OSBPL5: variants seen among roughly 807,000 people sequenced by gnomAD.
The protein encoded by OSBPL5 is oxysterol-binding protein-related protein 5.
In OSBPL5, 71 loss-of-function variants were observed where a neutral mutation model predicts 111.2. The ratio of observed to expected loss-of-function variants is 0.64; its 90% CI spans 0.53 to 0.78. OSBPL5 has a LOEUF of 0.78. Among genes scored for constraint, OSBPL5 ranks in the 30% least tolerant of loss-of-function variants. OSBPL5 has a pLI of 0.00. For synonymous variants in OSBPL5, 549 were observed against 513.9 expected (o/e 1.07, Z -0.93); for missense variants, 1,210 against 1,189.3 (o/e 1.02, Z -0.26).
intron 1 of OSBPL5, among the ~76,000 whole-genome samples, chr11:3,147,563 T>C (rs1189678003): frequency 6.6e-6 from 1 of 152,186 alleles, no homozygotes; most frequent in Non-Finnish European, 1.5e-5. Flanking sequence ...CTCTCCGGAG[T>C]GCCGTTTGTG....
rs1441321207 is a variant in OSBPL5 at position 3,107,714 on chromosome 11, C to T, written c.866+57G>A. ...TGGGGCTGTCCTCTCCCCTCTTCCT[C>T]GCCTACAAGGAGACCCCGTGAATCA... On this transcript the variant is annotated intron_variant, in intron 8 of 21. Transcript: ENST00000263650. This position sits in a 1 kb window ranked among gnomAD's most constrained non-coding sequence, Gnocchi z 6.1. The T allele has an allele frequency of 2.1e-5, 34 of 1,586,556 alleles. No individual in the cohort carries two copies. The highest frequency in any genetic ancestry group is 2.8e-5 in the Non-Finnish European group (33 of 1,167,078).
Position 3,130,922 on chromosome 11 carries a change from T to C in OSBPL5, c.-21-1753A>G, listed in dbSNP as rs1370542883. On this transcript the variant is annotated intron_variant, in intron 1 of 21. Coordinates refer to ENST00000263650, the MANE Select transcript of OSBPL5 (RefSeq NM_020896.4). This position sits in a 1 kb window ranked among gnomAD's most constrained non-coding sequence, Gnocchi z 4.5. ...CCGGGCTTACTCAGACAGCTGAGAT[T>C]TTCTGAGCACCCAGGCTGGGCTGGG... 6.6e-6 allele frequency among the ~76,000 whole-genome samples: 1 copy of C among 151,950 alleles called. No individual in the cohort carries two copies. Among genetic ancestry groups the C allele is most frequent in the Non-Finnish European group, 1.5e-5 (1 of 67,972 alleles).
At chr11:3,149,741 C>T (rs895528577) in intron 1 of OSBPL5, among the ~76,000 whole-genome samples, 9 of 152,216 alleles carry the variant, frequency 5.9e-5, no homozygotes, top group Admixed American at 1.3e-4. Context: ...GATCATCAAA[C>T]GACCCCCCCG....
intron 19 of OSBPL5, among the ~76,000 whole-genome samples, chr11:3,091,474 G>A (rs1006365662): frequency 1.3e-5 from 2 of 152,126 alleles, no homozygotes; most frequent in African/African-American, 4.8e-5. Context: ...CAGGGCCCAG[G>A]CTGACTGACC....
rs940610237 is a variant in OSBPL5 at position 3,109,529 on chromosome 11, A to T, written c.692-1584T>A. On this transcript the variant is annotated intron_variant, in intron 7 of 21. Coordinates refer to ENST00000263650, the MANE Select transcript of OSBPL5 (RefSeq NM_020896.4). The surrounding 1 kb of genome is among the most constrained non-coding windows in gnomAD (Gnocchi z 7.4). ...GTTTTTCTCCCTCACTTTGAGATCC[A>T]TTAAATCCTGCTCTTCGTGGGGCAT... is the stretch of plus-strand genomic sequence containing the variant. Among the ~76,000 whole-genome samples the T allele has an allele frequency of 6.6e-6, 1 of 152,178 alleles. No individual in the cohort carries two copies. The highest frequency in any genetic ancestry group is 1.5e-5 in the Non-Finnish European group (1 of 68,024).
intron 15 of OSBPL5, 131 bp from the exon 16 acceptor site, chr11:3,093,966 C>T (rs879875382): frequency 2.2e-5 from 25 of 1,146,332 alleles, no homozygotes; most frequent in Non-Finnish European, 2.7e-5. Flanking sequence ...ACCCAACCCT[C>T]GCCAACGAGG....
chr11:3,091,192 G>A (rs1857044348), intron 19 of OSBPL5, among the ~76,000 whole-genome samples: 2 of 152,260 alleles, frequency 1.3e-5, no homozygotes, highest in African/African-American at 2.4e-5. Flanking sequence ...AACCCCAGGA[G>A]TGCAGGCAGG....
At chr11:3,095,418 C>T (rs537567114) in intron 14 of OSBPL5, among the ~76,000 whole-genome samples, 6 of 152,124 alleles carry the variant, frequency 3.9e-5, no homozygotes, top group Non-Finnish European at 7.4e-5. Flanking sequence ...CTGGAGCTCC[C>T]GGGAGAAATG....
chr11:3,104,588 G>A lies in OSBPL5; in HGVS notation c.1060-211C>T, dbSNP rs1193215873. Among the ~76,000 whole-genome samples, 4 of 152,254 alleles carry A rather than the reference G, an allele frequency of 2.6e-5. No homozygotes were observed. Among genetic ancestry groups the A allele is most frequent in the South Asian group, 4.1e-4 (2 of 4,822 alleles). ...TCTCCACCCCACCCCTGGAGCACCC[G>A]CAGCCCAGGTCCAGGCCCGCTCCTG... On this transcript the variant is annotated intron_variant, in intron 9 of 21. Coordinates refer to ENST00000263650, the MANE Select transcript of OSBPL5 (RefSeq NM_020896.4). The surrounding 1 kb of genome is among the most constrained non-coding windows in gnomAD (Gnocchi z 5.0).
chr11:3,097,883 A>G (rs1442642611), intron 14 of OSBPL5, among the ~76,000 whole-genome samples: 5 of 152,164 alleles, frequency 3.3e-5, no homozygotes, highest in Non-Finnish European at 7.4e-5. Flanking sequence ...CCTGGCCAAC[A>G]CGGTGAAACC....
intron 1 of OSBPL5, among the ~76,000 whole-genome samples, chr11:3,137,962 C>A (rs926738899): frequency 1.3e-5 from 2 of 152,222 alleles, no homozygotes; most frequent in Non-Finnish European, 2.9e-5. Context: ...GAGGCCAGGC[C>A]TCCCTCTGGG....
intron 13 of OSBPL5, among the ~76,000 whole-genome samples, chr11:3,101,035 C>T (rs1857437019): frequency 2.0e-5 from 3 of 147,572 alleles, no homozygotes; most frequent in Admixed American, 6.9e-5. Context: ...AGTACAGTGG[C>T]ACCATCTTGG....
chr11:3,128,043 G>T (rs1218135306), intron 2 of OSBPL5, among the ~76,000 whole-genome samples: 1 of 152,244 alleles, frequency 6.6e-6, no homozygotes, highest in Non-Finnish European at 1.5e-5. Flanking sequence ...TGACAGCAGA[G>T]AATAAAAGGT....
chr11:3,157,778 G>A (rs767476131), intron 1 of OSBPL5, among the ~76,000 whole-genome samples: 7 of 152,252 alleles, frequency 4.6e-5, no homozygotes, highest in Non-Finnish European at 8.8e-5. Flanking sequence ...TGCAGCAGCC[G>A]GAAGGTTCTT....
intron 14 of OSBPL5, among the ~76,000 whole-genome samples, chr11:3,095,948 C>T (rs997196322): frequency 3.3e-5 from 5 of 152,098 alleles, no homozygotes; most frequent in Admixed American, 1.3e-4. Flanking sequence ...CCCCATTAAG[C>T]GTCGTGTTGA....
rs1232103125 is a variant in OSBPL5 at position 3,140,431 on chromosome 11, G to A, written c.-21-11262C>T. 1.3e-5 allele frequency among the ~76,000 whole-genome samples: 2 copies of A among 152,176 alleles called. No homozygotes were observed. Among genetic ancestry groups the A allele is most frequent in the African/African-American group, 4.8e-5 (2 of 41,424 alleles). ...GCAGCCCAGGAAAAGCCAGCACAGC[G>A]TGTCCTCCTGAGAGGCCTGTGTGGA... On this transcript the variant is annotated intron_variant, in intron 1 of 21. Transcript: ENST00000263650. The surrounding 1 kb of genome is among the most constrained non-coding windows in gnomAD (Gnocchi z 4.5).
intron 6 of OSBPL5, 55 bp from the exon 7 acceptor site, chr11:3,119,686 C>T (rs1858335421): frequency 2.0e-6 from 3 of 1,520,340 alleles, no homozygotes; most frequent in African/African-American, 2.9e-5. Context: ...GCCAGCTGCA[C>T]AGATAGGTCA....
intron 7 of OSBPL5, among the ~76,000 whole-genome samples, chr11:3,111,698 G>C (rs1029745699): frequency 2.0e-5 from 3 of 152,006 alleles, no homozygotes; most frequent in Admixed American, 2.0e-4. Flanking sequence ...CACAATGGTG[G>C]CGTGATGGGG....
intron 21 of OSBPL5, 66 bp downstream of exon 21, chr11:3,089,780 T>G (rs979662271): frequency 2.7e-6 from 4 of 1,456,464 alleles, no homozygotes; most frequent in Middle Eastern, 1.9e-4. Context: ...CCTCCCGCCC[T>G]AGCTCTACCA....
Sources: gnomAD v4.1 joint callset for allele counts (sites outside exome capture counted in the v4.1 genomes callset) on GRCh38, gnomAD v4.1.1 for gene constraint, Gnocchi (gnomAD v3.1) non-coding constraint, MANE v1.5 for transcripts, NCBI Gene and HGNC (gene_info 2026-07-23, HGNC 2026-07-21) for gene names.